SNX30: variants seen among roughly 807,000 people sequenced by gnomAD.
The protein encoded by SNX30 is sorting nexin family member 30.
Under a neutral mutation model 46.4 loss-of-function variants are expected in SNX30, and 24 were observed. The ratio of observed to expected loss-of-function variants is 0.52; its 90% CI spans 0.37 to 0.73. SNX30 has a LOEUF of 0.73. SNX30 is among the 30% of genes least tolerant of loss of function. SNX30 has a pLI of 0.00. For synonymous variants in SNX30, 189 were observed against 211.5 expected, an observed-to-expected ratio of 0.89 and a Z score of 0.92; for missense variants, 533 against 555.7, an observed-to-expected ratio of 0.96 and a Z score of 0.41.
At chr9:112,836,088 C>G in intron 4 of SNX30, 126 bp from the exon 5 acceptor site, 1 of 911,324 alleles carries the variant, frequency 1.1e-6, no homozygotes, top group Non-Finnish European at 1.7e-6. Flanking sequence ...ATTAGAGCCT[C>G]TAACTCAGCT....
intron 1 of SNX30, among the ~76,000 whole-genome samples, chr9:112,782,881 G>A (rs870078): frequency 0.76 from 115,437 of 152,236 alleles, 44,318 homozygotes; most frequent in South Asian, 0.86. Context: ...TGTAAGAGCA[G>A]ACACTGGTGG....
chr9:112,814,429 C>G (rs932901701), intron 2 of SNX30, among the ~76,000 whole-genome samples: 3 of 151,988 alleles, frequency 2.0e-5, no homozygotes, highest in African/African-American at 7.3e-5. Flanking sequence ...TTTGTAGAGA[C>G]AGGGTTTTGC....
intron 1 of SNX30, among the ~76,000 whole-genome samples, chr9:112,793,017 T>C (rs1218571151): frequency 6.6e-6 from 1 of 152,182 alleles, no homozygotes; most frequent in Non-Finnish European, 1.5e-5. Flanking sequence ...GTTTTGGTTT[T>C]CTTAGGTCTG....
intron 1 of SNX30, among the ~76,000 whole-genome samples, chr9:112,761,598 A>T (rs1290644091): frequency 1.3e-5 from 2 of 152,214 alleles, no homozygotes; most frequent in Non-Finnish European, 1.5e-5. Flanking sequence ...AGATTAGAAA[A>T]TATAAAGATG....
At chr9:112,848,926 G>A (rs144278128) in intron 6 of SNX30, among the ~76,000 whole-genome samples, 5 of 152,302 alleles carry the variant, frequency 3.3e-5, no homozygotes, top group Admixed American at 1.3e-4. Flanking sequence ...GCCCCCAGGA[G>A]CCCCCACGCT....
intron 7 of SNX30, among the ~76,000 whole-genome samples, chr9:112,862,100 C>T (rs113166353): frequency 6.8e-4 from 104 of 152,308 alleles, no homozygotes; most frequent in African/African-American, 2.3e-3. Flanking sequence ...TTTCCCAGAC[C>T]GAGGCTCAGG....
chr9:112,786,295 T>G (rs1839925174), intron 1 of SNX30, among the ~76,000 whole-genome samples: 1 of 151,858 alleles, frequency 6.6e-6, no homozygotes, highest in African/African-American at 2.4e-5. Context: ...TCTTTTGTAT[T>G]TTTTTTGTAG....
chr9:112,879,644 C>T (rs1352373659), downstream of SNX30: 1 of 911,970 alleles, frequency 1.1e-6, no homozygotes, highest in Non-Finnish European at 1.7e-6. Flanking sequence ...CCAACTCTGG[C>T]TGGAACGCAG....
intron 7 of SNX30, among the ~76,000 whole-genome samples, chr9:112,855,546 A>G (rs1254590450): frequency 2.0e-5 from 3 of 152,166 alleles, no homozygotes; most frequent in African/African-American, 7.2e-5. Flanking sequence ...ATGTCTTCAC[A>G]ACCTTCCCTG....
intron 1 of SNX30, among the ~76,000 whole-genome samples, chr9:112,779,348 T>C (rs999548399): frequency 5.3e-4 from 81 of 152,322 alleles, no homozygotes; most frequent in Non-Finnish European, 1.3e-4. Flanking sequence ...TCTCCTTCTG[T>C]TTCATATTCT....
intron 5 of SNX30, 62 bp downstream of exon 5, chr9:112,836,471 T>C: frequency 6.5e-7 from 1 of 1,527,926 alleles, no homozygotes; most frequent in East Asian, 2.3e-5. Context: ...ATGCCATTCA[T>C]GTGTGCTACA....
intron 8 of SNX30, among the ~76,000 whole-genome samples, chr9:112,868,425 C>T (rs999113651): frequency 2.0e-5 from 3 of 152,138 alleles, no homozygotes; most frequent in Admixed American, 1.3e-4. Flanking sequence ...CCATCCCTGC[C>T]GAGATTCTAG....
rs1225129579 is a variant in SNX30, at chr9:112,865,039, ACACACTACACACACACCACACCCCCC to A, written c.1254+662_1254+687del. On this transcript the variant is annotated intron_variant, in intron 8 of 8. Transcript: ENST00000374232. Reference sequence around the variant, plus strand: ...CCACTACCACCACCACACCCCACACACACACTACACACACACCACACCCCCCCACACTACACACACACCACACATAC... The same window carrying A: ...CCACTACCACCACCACACCCCACACACACACTACACACACACCACACATAC... Among the ~76,000 whole-genome samples, 20 of 149,434 alleles carry A rather than the reference ACACACTACACACACACCACACCCCCC, an allele frequency of 1.3e-4. No individual in the cohort carries two copies. In the South Asian group the frequency reaches 2.3e-3, roughly 18 times the overall value.
intron 1 of SNX30, among the ~76,000 whole-genome samples, chr9:112,786,830 A>G (rs1056350122): frequency 6.6e-6 from 1 of 151,248 alleles, no homozygotes; most frequent in African/African-American, 2.4e-5. Context: ...AATTTTCTTT[A>G]CCTCTCCTTG....
chr9:112,778,671 A>G (rs1461179577), intron 1 of SNX30, among the ~76,000 whole-genome samples: 2 of 152,240 alleles, frequency 1.3e-5, no homozygotes, highest in Non-Finnish European at 2.9e-5. Context: ...GCCAGGTCAC[A>G]TGACAGATAA....
intron 1 of SNX30, among the ~76,000 whole-genome samples, chr9:112,784,633 C>G (rs1212249202): frequency 6.6e-6 from 1 of 152,182 alleles, no homozygotes; most frequent in East Asian, 1.9e-4. Flanking sequence ...AGAGGACTTT[C>G]TCACACATCC....
At chr9:112,853,271 G>T (rs983540969) in intron 7 of SNX30, among the ~76,000 whole-genome samples, 5 of 152,190 alleles carry the variant, frequency 3.3e-5, no homozygotes, top group Admixed American at 6.5e-5. Flanking sequence ...CCCTCCCTCT[G>T]GTTCCTCCTG....
intron 4 of SNX30, among the ~76,000 whole-genome samples, chr9:112,831,738 A>G (rs4978505): frequency 0.16 from 24,060 of 152,218 alleles, 2,181 homozygotes; most frequent in Admixed American, 0.23. Context: ...CAGTTGCCAG[A>G]TTCTGTGTAT....
intron 1 of SNX30, among the ~76,000 whole-genome samples, chr9:112,787,547 G>C (rs1299227069): frequency 1.3e-5 from 2 of 152,078 alleles, no homozygotes; most frequent in Non-Finnish European, 1.5e-5. Context: ...CCTATTTTTA[G>C]TTTAGAGAGA....
Sources: gnomAD v4.1 joint callset for allele counts (sites outside exome capture counted in the v4.1 genomes callset) on GRCh38, gnomAD v4.1.1 for gene constraint, MANE v1.5 for transcripts, NCBI Gene and HGNC (gene_info 2026-07-23, HGNC 2026-07-21) for gene names.